The following FMNL3 variants were observed in gnomAD, a reference collection of about 807,000 sequenced individuals.
FMNL3 encodes the protein formin-like protein 3.
A neutral mutation model predicts 119.6 loss-of-function variants in FMNL3; 57 were observed. The observed-to-expected ratio is 0.48, with a 90% confidence interval of 0.39 to 0.59. The LOEUF is 0.59. Among genes scored for constraint, FMNL3 ranks in the 20% least tolerant of loss-of-function variants. FMNL3 has a pLI of 0.00. For synonymous variants in FMNL3, 491 were observed against 507.3 expected, an observed-to-expected ratio of 0.97 and a Z score of 0.43; for missense variants, 1,053 against 1,323.5, an observed-to-expected ratio of 0.80 and a Z score of 3.17.
In FMNL3 at chr12:49,637,592, A is replaced by T. The variant is rs1321843991; in HGVS notation, c.*8223T>A. On this transcript the variant is annotated 3_prime_UTR_variant, in exon 26 of 26. Coordinates refer to ENST00000335154, the MANE Select transcript of FMNL3 (RefSeq NM_175736.5). ...ACATGCTGGGCCAGCCGGGTAAGGC[A>T]GCCAGGCTCCCCCTTCTCTGGCCTG... is the stretch of plus-strand genomic sequence containing the variant. 2 of 1,612,012 alleles carry T rather than the reference A, an allele frequency of 1.2e-6. No homozygotes were observed. Among genetic ancestry groups the T allele is most frequent in the Non-Finnish European group, 1.7e-6 (2 of 1,178,838 alleles).
chr12:49,637,029 C>A lies in FMNL3; in HGVS notation c.*8786G>T. 2.2e-6 allele frequency: 2 copies of A among 921,678 alleles called. No individual in the cohort carries two copies. The highest frequency in any genetic ancestry group is 3.2e-6 in the Non-Finnish European group (2 of 619,274). The allele number at this position is 921,678 out of a possible 1,614,324, so 57.1% of individuals were successfully genotyped here. On this transcript the variant is annotated 3_prime_UTR_variant, in exon 26 of 26. Transcript: ENST00000335154. ...TCTGCTGTACCTCCTCAATTCTGGA[C>A]TGTGCTCTTCTAGGGAGACTAGATG... is the stretch of plus-strand genomic sequence containing the variant.
At chr12:49,668,238 C>T (rs1943945183) in intron 2 of FMNL3, among the ~76,000 whole-genome samples, 1 of 152,222 alleles carries the variant, frequency 6.6e-6, no homozygotes, top group Non-Finnish European at 1.5e-5. Context: ...TATACTATTG[C>T]CCATTGGAAG....
intron 1 of FMNL3, among the ~76,000 whole-genome samples, chr12:49,693,291 A>T (rs1944655306): frequency 6.6e-6 from 1 of 152,176 alleles, no homozygotes; most frequent in Non-Finnish European, 1.5e-5. Context: ...CTTGACTTAG[A>T]CCAGGGCGGT....
intron 5 of FMNL3, among the ~76,000 whole-genome samples, chr12:49,660,592 T>G (rs763161907): frequency 7.2e-5 from 11 of 152,220 alleles, no homozygotes; most frequent in Non-Finnish European, 1.2e-4. Flanking sequence ...AGCATCAAAT[T>G]CCTAAGGGGA....
At chr12:49,650,654 GC>G in intron 17 of FMNL3, 21 bp downstream of exon 17, 1 of 1,611,624 alleles carries the variant, frequency 6.2e-7, no homozygotes, top group Non-Finnish European at 8.5e-7. Context: ...AGGGACCAGA[GC>G]CAGGTCAGTG....
intron 1 of FMNL3, among the ~76,000 whole-genome samples, chr12:49,690,964 G>A (rs1944585272): frequency 6.6e-6 from 1 of 152,192 alleles, no homozygotes; most frequent in Non-Finnish European, 1.5e-5. Context: ...GATCACTTGA[G>A]CCCAGGAGGC....
rs371421215 is a variant in FMNL3 at position 49,656,384 on chromosome 12, C to T, written c.885+20G>A. 2.6e-5 allele frequency: 42 copies of T among 1,606,184 alleles called. No individual in the cohort carries two copies. The highest frequency in any genetic ancestry group is 1.3e-4 in the East Asian group (6 of 44,840). ...TCCCCCGCAAACACACACACACACA[C>T]GCGAAGCGAAAAGACTGACCTCTTT... On this transcript the variant is annotated intron_variant, in intron 9 of 25. Transcript: ENST00000335154.
chr12:49,671,565 G>A (rs925199852), intron 1 of FMNL3, among the ~76,000 whole-genome samples: 1 of 152,244 alleles, frequency 6.6e-6, no homozygotes, highest in African/African-American at 2.4e-5. Flanking sequence ...GGCCTGGACA[G>A]TTCTCTTCCT....
chr12:49,646,038 G>T, intron 25 of FMNL3, 135 bp from the exon 26 acceptor site: 1 of 688,860 alleles, frequency 1.5e-6, no homozygotes, highest in South Asian at 1.9e-5. Flanking sequence ...GATAAGGCTT[G>T]AGGGGTACCC....
intron 1 of FMNL3, among the ~76,000 whole-genome samples, chr12:49,690,000 C>T (rs1460788927): frequency 6.6e-6 from 1 of 152,214 alleles, no homozygotes; most frequent in African/African-American, 2.4e-5. Flanking sequence ...CCTCCCCTAG[C>T]TCTCCAATCT....
Position 49,651,915 on chromosome 12 carries a change from A to AG in FMNL3, c.1603+17dup. 1 of 1,563,428 alleles carries AG rather than the reference A, an allele frequency of 6.4e-7. No homozygotes were observed. The highest frequency in any genetic ancestry group is 8.7e-7 in the Non-Finnish European group (1 of 1,152,076). ...AAAGAGGCTGCCCCTGTTGGCTCCCAGGGGTCGTCGTGGTTACCTGGTAAT... is the reference window on the plus strand; with the variant it reads ...AAAGAGGCTGCCCCTGTTGGCTCCCAGGGGGTCGTCGTGGTTACCTGGTAAT... On this transcript the variant is annotated intron_variant, in intron 14 of 25. Coordinates refer to ENST00000335154, the MANE Select transcript of FMNL3 (RefSeq NM_175736.5).
rs752619683 is a variant in FMNL3, at chr12:49,658,439, T to C, written c.605+3A>G. On this transcript the variant is annotated splice_donor_region_variant and intron_variant, in intron 6 of 25. Coordinates refer to ENST00000335154, the MANE Select transcript of FMNL3 (RefSeq NM_175736.5). ...CAGGTGGGCAGAGCAAAAGCACACA[T>C]ACCGGAGCACAGACTGGCGCGCAGA... 1 of 1,593,860 alleles carries C rather than the reference T, an allele frequency of 6.3e-7. No homozygotes were observed. The highest frequency in any genetic ancestry group is 2.3e-5 in the East Asian group (1 of 44,222).
intron 1 of FMNL3, among the ~76,000 whole-genome samples, chr12:49,692,893 A>G (rs1328911915): frequency 1.3e-5 from 2 of 152,232 alleles, no homozygotes; most frequent in Non-Finnish European, 2.9e-5. Context: ...GACCTAAAGT[A>G]TAAACTAGAA....
intron 1 of FMNL3, among the ~76,000 whole-genome samples, chr12:49,697,985 T>G: frequency 6.6e-6 from 1 of 152,212 alleles, no homozygotes; most frequent in East Asian, 1.9e-4. Flanking sequence ...GAGGATCTAT[T>G]GACTGGCTCC....
Position 49,707,402 on chromosome 12 carries a change from A to C in FMNL3, c.-222T>G. On this transcript the variant is annotated 5_prime_UTR_variant, in exon 1 of 26. Transcript: ENST00000335154. ...AGCCGCACCGAAGCAAGGCGGACGGAGGCGGCCGGCTCTTGCTCACACCCG... is the reference window on the plus strand; with the variant it reads ...AGCCGCACCGAAGCAAGGCGGACGGCGGCGGCCGGCTCTTGCTCACACCCG... The C allele has an allele frequency of 5.6e-6, 2 of 357,382 alleles. No homozygotes were observed. Among genetic ancestry groups the C allele is most frequent in the Non-Finnish European group, 1.0e-5 (2 of 200,848 alleles). The allele number at this position is 357,382 out of a possible 1,614,324, so 22.1% of individuals were successfully genotyped here.
At position 49,637,884 on chromosome 12, in the gene FMNL3, A is replaced by T; in HGVS notation, c.*7931T>A. 7.3e-7 allele frequency: 1 copy of T among 1,378,734 alleles called. No individual in the cohort carries two copies. The highest frequency in any genetic ancestry group is 1.0e-6 in the Non-Finnish European group (1 of 973,228). The allele number at this position is 1,378,734 out of a possible 1,614,324, so 85.4% of individuals were successfully genotyped here. A position where few individuals can be genotyped will look rare whatever the true frequency, so the allele number is the denominator to read the frequency against. ...TGGATGCAGGGCACACTCCCTGCAG[A>T]GGACTCCCTGATAAGTCCTGTTTTG... On this transcript the variant is annotated 3_prime_UTR_variant, in exon 26 of 26. Transcript: ENST00000335154.
At chr12:49,681,755 G>A (rs1387732397) in intron 1 of FMNL3, among the ~76,000 whole-genome samples, 2 of 147,022 alleles carry the variant, frequency 1.4e-5, no homozygotes, top group African/African-American at 5.1e-5. Flanking sequence ...ACAGGGCCTC[G>A]CTATGTTGCC....
chr12:49,637,790 A>G lies in FMNL3; in HGVS notation c.*8025T>C, dbSNP rs1942055310. ...GTGGAGGAGTTGAAGGCACGATTCC[A>G]TGATGAAAAGAAGATCATTAAGGAC... On this transcript the variant is annotated 3_prime_UTR_variant, in exon 26 of 26. Transcript: ENST00000335154. 1 of 1,610,714 alleles carries G rather than the reference A, an allele frequency of 6.2e-7. No individual in the cohort carries two copies. The highest frequency in any genetic ancestry group is 1.1e-5 in the South Asian group (1 of 90,900).
intron 6 of FMNL3, 55 bp from the exon 7 acceptor site, chr12:49,657,245 T>A: frequency 2.2e-6 from 3 of 1,359,986 alleles, no homozygotes; most frequent in Non-Finnish European, 3.2e-6. Context: ...GTGAAGCATC[T>A]AGGGACACTC....
Sources: gnomAD v4.1 joint callset for allele counts (sites outside exome capture counted in the v4.1 genomes callset) on GRCh38, gnomAD v4.1.1 for gene constraint, MANE v1.5 for transcripts, NCBI Gene and HGNC (gene_info 2026-07-23, HGNC 2026-07-21) for gene names.